ID2: variants seen among roughly 807,000 people sequenced by gnomAD.
ID2 encodes DNA-binding protein inhibitor ID-2.
ID2 carries 2 observed loss-of-function variants against 8.3 expected under a neutral mutation model. The observed-to-expected ratio is 0.24, with a 90% confidence interval of 0.10 to 0.76. The LOEUF (loss-of-function observed/expected upper bound fraction) is 0.76. ID2 is among the 30% of genes least tolerant of loss of function. The pLI is 0.73. For synonymous variants in ID2, 112 were observed against 72.3 expected (o/e 1.55, Z -2.79); for missense variants, 155 against 167.0 (o/e 0.93, Z 0.40).
chr2:8,682,580 G>A (rs1464395297), intron 1 of ID2, 67 bp downstream of exon 1: 1 of 1,172,850 alleles, frequency 8.5e-7, no homozygotes, highest in Admixed American at 2.0e-5. Context: ...GCTGTCACTA[G>A]GAGATCCGTA....
In ID2 at chr2:8,682,117, C is replaced by T; in HGVS notation, c.-49C>T. On this transcript the variant is annotated 5_prime_UTR_variant, in exon 1 of 3. Coordinates refer to ENST00000396290, the MANE Select transcript of ID2 (RefSeq NM_002166.5). ...CAGCAGGCGGCAGCGGCGGCCTGAG[C>T]TTCAGGGCAGCCAGCTCCCTCCCGG... 1 of 1,495,858 alleles carries T rather than the reference C, an allele frequency of 6.7e-7. No individual in the cohort carries two copies. The highest frequency in any genetic ancestry group is 9.2e-7 in the Non-Finnish European group (1 of 1,086,534). The allele number at this position is 1,495,858 out of a possible 1,614,324, so 92.7% of individuals were successfully genotyped here.
At chr2:8,682,670 T>G in intron 1 of ID2, 157 bp downstream of exon 1, 1 of 713,860 alleles carries the variant, frequency 1.4e-6, no homozygotes, top group South Asian at 1.8e-5. Flanking sequence ...TGCGTGAAAT[T>G]GCTAGTAAGT....
Position 8,682,809 on chromosome 2 carries a change from T to C in ID2, c.349-34T>C, listed in dbSNP as rs201970478. ...AAAACCCTTTCTACTTAACATTGTC[T>C]TAACCTCGTACTCTTTATCCTCTTT... On this transcript the variant is annotated intron_variant, in intron 1 of 2. Coordinates refer to ENST00000396290, the MANE Select transcript of ID2 (RefSeq NM_002166.5). 406 of 1,526,924 alleles carry C rather than the reference T, an allele frequency of 2.7e-4. 1 individual carries two copies. The highest frequency in any genetic ancestry group is 1.5e-3 in the Middle Eastern group (9 of 5,900). 94.6% of individuals were successfully genotyped at this position (1,526,924 alleles called of 1,614,324 possible).
intron 1 of ID2, 47 bp from the exon 2 acceptor site, chr2:8,682,796 A>C: frequency 7.4e-7 from 1 of 1,345,976 alleles, no homozygotes; most frequent in Non-Finnish European, 1.1e-6. Context: ...AACCCTTTCT[A>C]CTTAACATTG....
At position 8,683,709 on chromosome 2, in the gene ID2, T is replaced by C. The variant is rs1000903246; in HGVS notation, c.*32T>C. ...GGTGTTCATGATTTCTTTTATTCTT[T>C]GCACAACAACAACAACAACAAATTC... On this transcript the variant is annotated 3_prime_UTR_variant, in exon 3 of 3. Transcript: ENST00000396290. 2.0e-5 allele frequency: 3 copies of C among 152,492 alleles called. No homozygotes were observed. The highest frequency in any genetic ancestry group is 6.5e-5 in the Admixed American group (1 of 15,284). The allele number at this position is 152,492 out of a possible 1,614,324, so 9.4% of individuals were successfully genotyped here.
chr2:8,682,397 G>A lies in ID2; in HGVS notation c.232G>A (p.Ala78Thr), dbSNP rs373045012. 15 of 1,613,728 alleles carry A rather than the reference G, an allele frequency of 9.3e-6. No homozygotes were observed. The highest frequency in any genetic ancestry group is 1.6e-4 in the Middle Eastern group (1 of 6,084). ...VIDYILDLQI[A>T]LDSHPTIVSL... The stretch of plus-strand genomic sequence containing the variant: ...CGACTACATCTTGGACCTGCAGATC[G>A]CCCTGGACTCGCATCCCACTATTGT... Residue 78 changes from alanine to threonine, a missense_variant, in exon 1 of 3, where the codon GCC becomes ACC. Transcript: ENST00000396290.
rs1662097426 is a variant in ID2, at chr2:8,682,214, G to A, written c.49G>A (p.Asp17Asn). The change falls in exon 1 of 3, where the codon GAC (aspartate) becomes AAC (asparagine). Residue 17 changes from aspartate (D) to asparagine (N), a missense_variant. Asp to Asn is a conservative substitution (Grantham distance 23). Around this residue, in one of 3 missense-constraint regions of ID2, gnomAD observed 73 missense variants for 72.2 expected, o/e 1.01. Transcript: ENST00000396290. ...VRSVRKNSLS[D>N]HSLGISRSKT... ...GTCCGTTAGGAAAAACAGCCTGTCG[G>A]ACCACAGCCTGGGCATCTCCCGGAG... The A allele has an allele frequency of 1.2e-6, 2 of 1,613,882 alleles. No homozygotes were observed. Among genetic ancestry groups the A allele is most frequent in the Non-Finnish European group, 1.7e-6 (2 of 1,180,046 alleles).
intron 2 of ID2, among the ~76,000 whole-genome samples, chr2:8,683,283 C>G (rs759504861): frequency 2.2e-4 from 33 of 152,190 alleles, no homozygotes; most frequent in Admixed American, 1.2e-3. Context: ...TCCTCCTTCC[C>G]TAAAACTATA....
chr2:8,683,042 C>T lies in ID2; in HGVS notation c.*7+136C>T, dbSNP rs532260886. The T allele has an allele frequency of 3.1e-4, 227 of 721,954 alleles. 3 individuals carry two copies. The highest frequency in any genetic ancestry group is 1.7e-3 in the Middle Eastern group (7 of 4,176). 44.7% of individuals were successfully genotyped at this position (721,954 alleles called of 1,614,324 possible). A position where few individuals can be genotyped will look rare whatever the true frequency, so the allele number is the denominator to read the frequency against. The stretch of plus-strand genomic sequence containing the variant: ...TGCTTACTTCGCGGTGTTACCCGTA[C>T]TACATTGTCTCACTAGACATGAAGG... On this transcript the variant is annotated intron_variant, in intron 2 of 2. Coordinates refer to ENST00000396290, the MANE Select transcript of ID2 (RefSeq NM_002166.5).
chr2:8,683,034 T>C (rs1662131589), intron 2 of ID2, 128 bp downstream of exon 2: 1 of 749,454 alleles, frequency 1.3e-6, no homozygotes. Flanking sequence ...TTCGCGGTGT[T>C]ACCCGTACTA....
rs765009908 is a variant in ID2, at chr2:8,682,128, C to T, written c.-38C>T. 6 of 1,549,954 alleles carry T rather than the reference C, an allele frequency of 3.9e-6. No homozygotes were observed. The highest frequency in any genetic ancestry group is 1.7e-5 in the Admixed American group (1 of 59,132). On this transcript the variant is annotated 5_prime_UTR_variant, in exon 1 of 3. Coordinates refer to ENST00000396290, the MANE Select transcript of ID2 (RefSeq NM_002166.5). ...AGCGGCGGCCTGAGCTTCAGGGCAG[C>T]CAGCTCCCTCCCGGTCTCGCCTTCC...
Position 8,682,139 on chromosome 2 carries a change from C to T in ID2, c.-27C>T, listed in dbSNP as rs781702080. On this transcript the variant is annotated 5_prime_UTR_variant, in exon 1 of 3. Transcript: ENST00000396290. ...GAGCTTCAGGGCAGCCAGCTCCCTCCCGGTCTCGCCTTCCCTCGCGGTCAG... is the reference window on the plus strand; with the variant it reads ...GAGCTTCAGGGCAGCCAGCTCCCTCTCGGTCTCGCCTTCCCTCGCGGTCAG... 3 of 1,588,708 alleles carry T rather than the reference C, an allele frequency of 1.9e-6. No homozygotes were observed. Among genetic ancestry groups the T allele is most frequent in the South Asian group, 1.1e-5 (1 of 90,370 alleles).
Position 8,682,090 on chromosome 2 carries a change from C to T in ID2, c.-76C>T, listed in dbSNP as rs1254537204. The T allele has an allele frequency of 7.3e-6, 9 of 1,229,546 alleles. No homozygotes were observed. The highest frequency in any genetic ancestry group is 1.9e-5 in the Admixed American group (1 of 53,268). The allele number at this position is 1,229,546 out of a possible 1,614,324, so 76.2% of individuals were successfully genotyped here. On this transcript the variant is annotated 5_prime_UTR_variant, in exon 1 of 3. Transcript: ENST00000396290. ...CGAGCCCGGTGCCAAGCGCAGCTAG[C>T]TCAGCAGGCGGCAGCGGCGGCCTGA...
chr2:8,682,893 T>C lies in ID2; in HGVS notation c.399T>C (p.Cys133=), dbSNP rs767257397. Residue 133 remains cysteine, a synonymous_variant, in exon 2 of 3, where the codon TGT becomes TGC. Transcript: ENST00000396290. Reference sequence around the variant, plus strand: ...TGTCAAATGACAGCAAAGCACTGTGTGGCTGAATAAGCGGTGAGTGTTTGC... The same window carrying C: ...TGTCAAATGACAGCAAAGCACTGTGCGGCTGAATAAGCGGTGAGTGTTTGC... The part of the protein sequence containing the change: ...ELMSNDSKAL[C]G 8.1e-6 allele frequency: 13 copies of C among 1,613,878 alleles called. No individual in the cohort carries two copies. In the African/African-American group the frequency reaches 1.7e-4, roughly 22 times the overall value.
Position 8,682,958 on chromosome 2 carries a change from C to T in ID2, c.*7+52C>T, listed in dbSNP as rs533546964. On this transcript the variant is annotated intron_variant, in intron 2 of 2. Coordinates refer to ENST00000396290, the MANE Select transcript of ID2 (RefSeq NM_002166.5). ...GGTAAACTGCCCCTCGGTGTGTGTG[C>T]GCGCGCGCGCATGTGTTTTTGCTTG... 867 of 1,274,090 alleles carry T rather than the reference C, an allele frequency of 6.8e-4. 10 individuals carry two copies. The South Asian group carries it at 7.6e-3, about 11-fold the overall frequency. 78.9% of individuals were successfully genotyped at this position (1,274,090 alleles called of 1,614,324 possible).
intron 2 of ID2, 41 bp downstream of exon 2, chr2:8,682,947 C>CGG: frequency 6.7e-7 from 1 of 1,491,350 alleles, no homozygotes; most frequent in Non-Finnish European, 9.4e-7. Context: ...AACTGCCCCT[C>CGG]GGTGTGTGTG....
At position 8,682,207 on chromosome 2, in the gene ID2, C is replaced by T; in HGVS notation, c.42C>T (p.Ser14=). 3.1e-6 allele frequency: 5 copies of T among 1,613,950 alleles called. No homozygotes were observed. Among genetic ancestry groups the T allele is most frequent in the Middle Eastern group, 1.6e-4 (1 of 6,062 alleles). The change falls in exon 1 of 3, where the codon AGC becomes AGT. Residue 14 remains serine (S), a synonymous_variant. Transcript: ENST00000396290. Reference sequence around the variant, plus strand: ...CCGTGAGGTCCGTTAGGAAAAACAGCCTGTCGGACCACAGCCTGGGCATCT... The same window carrying T: ...CCGTGAGGTCCGTTAGGAAAAACAGTCTGTCGGACCACAGCCTGGGCATCT... The part of the protein sequence containing the change: ...FSPVRSVRKN[S]LSDHSLGISR...
Position 8,682,887 on chromosome 2 carries a change from A to T in ID2, c.393A>T (p.Ala131=). Residue 131 remains alanine, a synonymous_variant, in exon 2 of 3, where the codon GCA becomes GCT. Coordinates refer to ENST00000396290, the MANE Select transcript of ID2 (RefSeq NM_002166.5). The stretch of plus-strand genomic sequence containing the variant: ...AGTTAATGTCAAATGACAGCAAAGC[A>T]CTGTGTGGCTGAATAAGCGGTGAGT... ...PSELMSNDSK[A]LCG 6 of 1,613,954 alleles carry T rather than the reference A, an allele frequency of 3.7e-6. No homozygotes were observed. The highest frequency in any genetic ancestry group is 5.1e-6 in the Non-Finnish European group (6 of 1,179,862).
chr2:8,682,934 G>A (rs935346820), intron 2 of ID2, 28 bp downstream of exon 2: 1 of 1,578,696 alleles, frequency 6.3e-7, no homozygotes, highest in South Asian at 1.1e-5. Context: ...CCACCCGTGG[G>A]TAAACTGCCC....
Sources: gnomAD v4.1 joint callset for allele counts (sites outside exome capture counted in the v4.1 genomes callset) on GRCh38, gnomAD v4.1.1 for gene constraint, gnomAD v4.1.1 regional missense constraint, MANE v1.5 for transcripts, NCBI Gene and HGNC (gene_info 2026-07-23, HGNC 2026-07-21) for gene names.